ST6GALNAC3: variants seen among roughly 807,000 people sequenced by gnomAD.
ST6GALNAC3 encodes alpha-N-acetylgalactosaminide alpha-2,6-sialyltransferase 3.
In ST6GALNAC3, 25 loss-of-function variants were observed where a neutral mutation model predicts 32.7. The ratio of observed to expected loss-of-function variants is 0.76; its 90% CI spans 0.56 to 1.07. ST6GALNAC3 has a LOEUF of 1.07. ST6GALNAC3 is among the 50% of genes least tolerant of loss of function. The pLI is 0.00. For synonymous variants in ST6GALNAC3, 129 were observed against 133.1 expected, an observed-to-expected ratio of 0.97 and a Z score of 0.21; for missense variants, 355 against 382.4, an observed-to-expected ratio of 0.93 and a Z score of 0.60.
chr1:76,403,299 C>T (rs560876835), intron 2 of ST6GALNAC3, among the ~76,000 whole-genome samples: 7 of 152,184 alleles, frequency 4.6e-5, no homozygotes, highest in African/African-American at 1.4e-4. Flanking sequence ...TCTCCATTTG[C>T]TCTTCAAAAT....
chr1:76,176,044 A>G (rs1014203326), intron 1 of ST6GALNAC3, among the ~76,000 whole-genome samples: 3 of 152,196 alleles, frequency 2.0e-5, no homozygotes, highest in Non-Finnish European at 1.5e-5. Context: ...AATAATGATT[A>G]TTTAATGTCT....
chr1:76,595,814 T>C (rs1647127274), intron 3 of ST6GALNAC3, among the ~76,000 whole-genome samples: 1 of 152,154 alleles, frequency 6.6e-6, no homozygotes, highest in Non-Finnish European at 1.5e-5. Flanking sequence ...GATATATAGA[T>C]TTGATCTCTC....
At chr1:76,466,091 T>G (rs574091048) in intron 3 of ST6GALNAC3, among the ~76,000 whole-genome samples, 1 of 152,246 alleles carries the variant, frequency 6.6e-6, no homozygotes, top group South Asian at 2.1e-4. Context: ...ATAACAAACA[T>G]TTCTCCCAGT....
At chr1:76,451,839 G>A (rs751176895) in intron 3 of ST6GALNAC3, among the ~76,000 whole-genome samples, 2 of 152,014 alleles carry the variant, frequency 1.3e-5, no homozygotes, top group Non-Finnish European at 2.9e-5. Context: ...GCATTTTCTA[G>A]GTATACAATT....
At chr1:76,300,979 G>A (rs1386675683) in intron 1 of ST6GALNAC3, among the ~76,000 whole-genome samples, 1 of 151,932 alleles carries the variant, frequency 6.6e-6, no homozygotes, top group Non-Finnish European at 1.5e-5. Flanking sequence ...AGCTTATGTA[G>A]GCAACCTGAT....
At chr1:76,189,388 T>G (rs1653765099) in intron 1 of ST6GALNAC3, among the ~76,000 whole-genome samples, 1 of 152,148 alleles carries the variant, frequency 6.6e-6, no homozygotes, top group South Asian at 2.1e-4. Flanking sequence ...TGGATCCACC[T>G]CTGTATGCAG....
intron 1 of ST6GALNAC3, among the ~76,000 whole-genome samples, chr1:76,296,294 A>T (rs542015383): frequency 4.9e-4 from 74 of 152,150 alleles, no homozygotes; most frequent in African/African-American, 1.7e-3. Flanking sequence ...GTGAAAATAC[A>T]TTTTTGTGCA....
chr1:76,557,593 T>C (rs1665003660), intron 3 of ST6GALNAC3, among the ~76,000 whole-genome samples: 1 of 152,072 alleles, frequency 6.6e-6, no homozygotes, highest in South Asian at 2.1e-4. Flanking sequence ...ATGGAGCAAA[T>C]ACTCCAATTT....
intron 1 of ST6GALNAC3, among the ~76,000 whole-genome samples, chr1:76,286,130 C>A (rs1054310128): frequency 6.6e-6 from 1 of 152,164 alleles, no homozygotes; most frequent in African/African-American, 2.4e-5. Flanking sequence ...GAGTAACAGG[C>A]CTTTCCATCC....
intron 1 of ST6GALNAC3, among the ~76,000 whole-genome samples, chr1:76,311,201 ACT>A (rs1475493914): frequency 6.6e-6 from 1 of 150,794 alleles, no homozygotes; most frequent in Non-Finnish European, 1.5e-5. Context: ...GCCTACCTAT[ACT>A]CTCTCCCTGC....
At chr1:76,142,640 A>C (rs1557650433) in intron 1 of ST6GALNAC3, among the ~76,000 whole-genome samples, 1 of 152,200 alleles carries the variant, frequency 6.6e-6, no homozygotes, top group Admixed American at 6.5e-5. Context: ...GTTGCATAAG[A>C]TGGGAATAAA....
chr1:76,195,343 C>A (rs932908108), intron 1 of ST6GALNAC3, among the ~76,000 whole-genome samples: 2 of 152,164 alleles, frequency 1.3e-5, no homozygotes, highest in African/African-American at 2.4e-5. Context: ...TGCACAAGTG[C>A]TTTTCCTTGT....
intron 1 of ST6GALNAC3, among the ~76,000 whole-genome samples, chr1:76,177,779 A>T (rs78122191): frequency 0.011 from 1,663 of 152,288 alleles, 29 homozygotes; most frequent in East Asian, 0.044. Context: ...AGAGGGAATG[A>T]TGGTTAATAT....
chr1:76,083,409 C>G (rs1144344), intron 1 of ST6GALNAC3, among the ~76,000 whole-genome samples: 1 of 152,162 alleles, frequency 6.6e-6, no homozygotes, highest in Non-Finnish European at 1.5e-5. Context: ...CTTTGTGAAG[C>G]GTTTGCCTTA....
chr1:76,325,562 T>G (rs1557788526), intron 2 of ST6GALNAC3, among the ~76,000 whole-genome samples: 1 of 151,560 alleles, frequency 6.6e-6, no homozygotes, highest in Non-Finnish European at 1.5e-5. Flanking sequence ...ACTATTTATT[T>G]CCAATAGTGT....
rs183527726 is a variant in ST6GALNAC3 at position 76,406,073 on chromosome 1, T to C, written c.214-5935T>C. Among the ~76,000 whole-genome samples the C allele has an allele frequency of 9.5e-4, 144 of 152,048 alleles. 4 individuals carry two copies. The highest frequency in any genetic ancestry group is 9.3e-3 in the Admixed American group (141 of 15,226). ...GCCTCTCAAATACTCATGCTTATAA[T>C]AAAATAAAAATAAAAACAGGCATGG... is the stretch of plus-strand genomic sequence containing the variant. On this transcript the variant is annotated intron_variant, in intron 2 of 4. Transcript: ENST00000328299.
chr1:76,143,934 C>A (rs1431135476), intron 1 of ST6GALNAC3, among the ~76,000 whole-genome samples: 3 of 152,190 alleles, frequency 2.0e-5, no homozygotes, highest in Non-Finnish European at 4.4e-5. Context: ...AGCTTGCCAG[C>A]CTTGGGCCAG....
At chr1:76,090,905 A>T (rs1181529154) in intron 1 of ST6GALNAC3, among the ~76,000 whole-genome samples, 1 of 152,160 alleles carries the variant, frequency 6.6e-6, no homozygotes, top group Non-Finnish European at 1.5e-5. Context: ...GAGGAGTAGA[A>T]TATTCTTCTA....
intron 1 of ST6GALNAC3, among the ~76,000 whole-genome samples, chr1:76,134,466 C>CTG (rs1649810963): frequency 6.6e-6 from 1 of 152,240 alleles, no homozygotes; most frequent in Admixed American, 6.5e-5. Flanking sequence ...CTCTAACATT[C>CTG]TGTCACTGCC....
Sources: allele counts gnomAD v4.1 joint callset (sites outside exome capture counted in the v4.1 genomes callset), GRCh38; gene constraint gnomAD v4.1.1; transcripts MANE v1.5; gene names NCBI Gene and HGNC (gene_info 2026-07-23, HGNC 2026-07-21).